MAP7D1: variants seen among roughly 807,000 people sequenced by gnomAD.
MAP7D1 encodes the protein MAP7 domain-containing protein 1.
MAP7D1 carries 30 observed loss-of-function variants against 97.5 expected under a neutral mutation model. That is an observed-to-expected ratio of 0.31 (90% confidence interval 0.23 to 0.42). MAP7D1 has a LOEUF of 0.42. Among genes scored for constraint, MAP7D1 ranks in the 10% least tolerant of loss-of-function variants. The probability of loss-of-function intolerance (pLI) is 1.00; values close to 1 mark genes in which losing one functional copy is unlikely to be tolerated. For synonymous variants in MAP7D1, 536 were observed against 477.1 expected, an observed-to-expected ratio of 1.12 and a Z score of -1.61; for missense variants, 1,184 against 1,179.5, an observed-to-expected ratio of 1.00 and a Z score of -0.06.
At position 36,177,940 on chromosome 1, in the gene MAP7D1, A is replaced by G; in HGVS notation, c.1447A>G (p.Ser483Gly). ...GCACAGGCCTGCCTCCCCCTGCCCC[A>G]GCCCAGGGCCAGGCCACACTCTGCC... is the stretch of plus-strand genomic sequence containing the variant. ...SWHRPASPCP[S>G]PGPGHTLPPK... Residue 483 changes from serine (S) to glycine (G), a missense_variant, in exon 9 of 17, where the codon AGC (serine) becomes GGC (glycine). Coordinates refer to ENST00000474796, the MANE Select transcript of MAP7D1 (RefSeq NM_001388490.1). 6.3e-7 allele frequency: 1 copy of G among 1,581,816 alleles called. No homozygotes were observed. Among genetic ancestry groups the G allele is most frequent in the African/African-American group, 1.3e-5 (1 of 74,300 alleles).
At position 36,178,029 on chromosome 1, in the gene MAP7D1, G is replaced by A. The variant is rs771884720; in HGVS notation, c.1536G>A (p.Glu512=). The change falls in exon 9 of 17, where the codon GAG becomes GAA. Residue 512 remains glutamate, a synonymous_variant. Coordinates refer to ENST00000474796, the MANE Select transcript of MAP7D1 (RefSeq NM_001388490.1). ...CCAAGGGGCGGGTTCGGAGGAAGGA[G>A]GAGGCAAAGGAGAGCCCCAGCGCCG... ...ASPKGRVRRK[E]EAKESPSAAG... is the part of the protein sequence containing the mutation. 156 of 1,613,498 alleles carry A rather than the reference G, an allele frequency of 9.7e-5. No individual in the cohort carries two copies. In the Admixed American group the frequency reaches 2.6e-3, roughly 27 times the overall value.
Position 36,176,365 on chromosome 1 carries a change from A to G in MAP7D1, c.1017A>G (p.Ala339=). ...DPGRGPTWGR[A]GASLARGPQP... is the part of the protein sequence containing the mutation. ...GGAGAGGCCCCACGTGGGGCCGGGC[A>G]GGGGCCAGCCTGGCGCGCGGGCCGC... Residue 339 remains alanine, a synonymous_variant, in exon 7 of 17, where the codon GCA becomes GCG. Transcript: ENST00000474796. The surrounding 1 kb of genome is among the most constrained non-coding windows in gnomAD (Gnocchi z 6.1). 1 of 1,525,558 alleles carries G rather than the reference A, an allele frequency of 6.6e-7. No individual in the cohort carries two copies. Among genetic ancestry groups the G allele is most frequent in the African/African-American group, 1.4e-5 (1 of 71,290 alleles). The allele number at this position is 1,525,558 out of a possible 1,614,324, so 94.5% of individuals were successfully genotyped here. A position where few individuals can be genotyped will look rare whatever the true frequency, so the allele number is the denominator to read the frequency against.
At chr1:36,178,395 G>T in intron 9 of MAP7D1, 24 bp from the exon 10 acceptor site, 1 of 1,601,348 alleles carries the variant, frequency 6.2e-7, no homozygotes. Flanking sequence ...GTGTGCTGAC[G>T]CCTGATCCCG....
In MAP7D1 at chr1:36,179,745, G is replaced by T. The variant is rs1352385020; in HGVS notation, c.2307G>T (p.Glu769Asp). 2 of 1,524,268 alleles carry T rather than the reference G, an allele frequency of 1.3e-6. No homozygotes were observed. The highest frequency in any genetic ancestry group is 1.4e-5 in the African/African-American group (1 of 72,030). 94.4% of individuals were successfully genotyped at this position (1,524,268 alleles called of 1,614,324 possible). A position where few individuals can be genotyped will look rare whatever the true frequency, so the allele number is the denominator to read the frequency against. ...AVQKEEPIPQEPQWSLPSKEL... is the reference protein window; with the variant it reads ...AVQKEEPIPQDPQWSLPSKEL... ...AGAAAGAGGAGCCCATCCCACAGGAGCCTCAGTGGAGGTACCAGCTTCCAA... is the reference window on the plus strand; with the variant it reads ...AGAAAGAGGAGCCCATCCCACAGGATCCTCAGTGGAGGTACCAGCTTCCAA... The change falls in exon 15 of 17, where the codon GAG (glutamate) becomes GAT (aspartate). Residue 769 changes from glutamate to aspartate, a missense_variant. By Grantham distance (45) the Glu-to-Asp change is conservative. Transcript: ENST00000474796.
At position 36,180,080 on chromosome 1, in the gene MAP7D1, A is replaced by G; in HGVS notation, c.2512+13A>G. Reference sequence around the variant, plus strand: ...CCGCAGGTCACAGGTAGATCTCCTGATTCCTGGACCCAGCTCCATTCCTCC... The same window carrying G: ...CCGCAGGTCACAGGTAGATCTCCTGGTTCCTGGACCCAGCTCCATTCCTCC... On this transcript the variant is annotated intron_variant, in intron 16 of 16. Coordinates refer to ENST00000474796, the MANE Select transcript of MAP7D1 (RefSeq NM_001388490.1). The G allele has an allele frequency of 1.2e-6, 2 of 1,612,840 alleles. No homozygotes were observed. Among genetic ancestry groups the G allele is most frequent in the South Asian group, 1.1e-5 (1 of 91,022 alleles).
In MAP7D1 at chr1:36,177,922, C is replaced by T; in HGVS notation, c.1429C>T (p.Pro477Ser). The T allele has an allele frequency of 6.4e-7, 1 of 1,566,092 alleles. No homozygotes were observed. Among genetic ancestry groups the T allele is most frequent in the East Asian group, 2.3e-5 (1 of 44,408 alleles). The change falls in exon 9 of 17, where the codon CCT becomes TCT. Residue 477 changes from proline (P) to serine (S), a missense_variant. Transcript: ENST00000474796. Reference protein sequence around the residue: ...PSSPSTSWHRPASPCPSPGPG... With the variant: ...PSSPSTSWHRSASPCPSPGPG... ...CTCTCCCTCCACATCCTGGCACAGG[C>T]CTGCCTCCCCCTGCCCCAGCCCAGG...
chr1:36,172,923 C>T (rs560778580), intron 4 of MAP7D1, among the ~76,000 whole-genome samples: 7 of 152,200 alleles, frequency 4.6e-5, no homozygotes, highest in East Asian at 3.9e-4. Flanking sequence ...TCTGTGTGAG[C>T]GTGCCTAGCT....
rs1274230516 is a variant in MAP7D1, at chr1:36,156,363, T to TGGCCGC, written c.-54_-49dup. ...GCCGCGGGACCCCTGTCCTGGCCAC[T>TGGCCGC]GGCCGCCGCCGCCGCCGCCGCTGAG... On this transcript the variant is annotated 5_prime_UTR_variant, in exon 1 of 17. Transcript: ENST00000474796. 3.4e-6 allele frequency: 5 copies of TGGCCGC among 1,456,052 alleles called. No homozygotes were observed. The African/African-American group carries it at 7.4e-5, about 22-fold the overall frequency. The allele number at this position is 1,456,052 out of a possible 1,614,324, so 90.2% of individuals were successfully genotyped here. A position where few individuals can be genotyped will look rare whatever the true frequency, so the allele number is the denominator to read the frequency against.
Position 36,180,567 on chromosome 1 carries a change from G to A in MAP7D1, c.*309G>A, listed in dbSNP as rs928880241. The stretch of plus-strand genomic sequence containing the variant: ...CACCTGTAGTATTTGCCTTGATTTG[G>A]TGGGGTACAGTGGATGTGAATACTG... On this transcript the variant is annotated 3_prime_UTR_variant, in exon 17 of 17. Coordinates refer to ENST00000474796, the MANE Select transcript of MAP7D1 (RefSeq NM_001388490.1). 1 of 457,014 alleles carries A rather than the reference G, an allele frequency of 2.2e-6. No homozygotes were observed. The highest frequency in any genetic ancestry group is 3.6e-5 in the Admixed American group (1 of 28,018). The allele number at this position is 457,014 out of a possible 1,614,324, so 28.3% of individuals were successfully genotyped here.
chr1:36,173,784 C>T (rs1209977336), intron 5 of MAP7D1, among the ~76,000 whole-genome samples: 2 of 152,186 alleles, frequency 1.3e-5, no homozygotes, highest in African/African-American at 4.8e-5. Context: ...TAATGACCTA[C>T]AGACACTGGA....
chr1:36,177,320 C>T, intron 8 of MAP7D1: 1 of 292,980 alleles, frequency 3.4e-6, no homozygotes, highest in Non-Finnish European at 6.7e-6. Flanking sequence ...TGAAGTACCC[C>T]AACACCTAAA....
At chr1:36,173,238 A>T in intron 4 of MAP7D1, 126 bp from the exon 5 acceptor site, 4 of 693,972 alleles carry the variant, frequency 5.8e-6, no homozygotes, top group South Asian at 5.4e-5. Context: ...ACCTGCAATG[A>T]GTCAGGAAAA....
intron 1 of MAP7D1, among the ~76,000 whole-genome samples, chr1:36,161,191 C>T (rs116303525): frequency 0.012 from 1,847 of 152,346 alleles, 21 homozygotes; most frequent in Non-Finnish European, 0.015. Flanking sequence ...CCCAGTGCCC[C>T]ACTGCCCAAC....
chr1:36,172,319 C>A, intron 3 of MAP7D1, 145 bp from the exon 4 acceptor site: 1 of 761,204 alleles, frequency 1.3e-6, no homozygotes, highest in Non-Finnish European at 1.9e-6. Context: ...AGGGGGTTGT[C>A]TCAGACTGAA....
At chr1:36,173,760 T>C (rs1442745664) in intron 5 of MAP7D1, among the ~76,000 whole-genome samples, 1 of 152,208 alleles carries the variant, frequency 6.6e-6, no homozygotes, top group Non-Finnish European at 1.5e-5. Flanking sequence ...TAGTTGTTGA[T>C]ACATAAAAGA....
Position 36,171,002 on chromosome 1 carries a change from A to G in MAP7D1, c.78A>G (p.Arg26=). 1.4e-6 allele frequency: 2 copies of G among 1,476,564 alleles called. No homozygotes were observed. Among genetic ancestry groups the G allele is most frequent in the Non-Finnish European group, 1.9e-6 (2 of 1,068,224 alleles). The allele number at this position is 1,476,564 out of a possible 1,614,324, so 91.5% of individuals were successfully genotyped here. A position where few individuals can be genotyped will look rare whatever the true frequency, so the allele number is the denominator to read the frequency against. The change falls in exon 2 of 17, where the codon AGA becomes AGG. Residue 26 remains arginine (R), a synonymous_variant. Transcript: ENST00000474796. The stretch of plus-strand genomic sequence containing the variant: ...TCGCCAGGACCCCCCCAGAGCCAAG[A>G]CCTTCTCCAGAAGGTGACCCTTCCC... The part of the protein sequence containing the change: ...AVVARTPPEP[R]PSPEGDPSPP...
In MAP7D1 at chr1:36,171,308, C is replaced by G; in HGVS notation, c.384C>G (p.Thr128=). Residue 128 remains threonine (T), a synonymous_variant, in exon 2 of 17, where the codon ACC becomes ACG. Coordinates refer to ENST00000474796, the MANE Select transcript of MAP7D1 (RefSeq NM_001388490.1). Reference sequence around the variant, plus strand: ...TGCCAGCCTCCGACAGCCCTCCCACCAAGCAAGGTGTGTGTAATGACCCCG... The same window carrying G: ...TGCCAGCCTCCGACAGCCCTCCCACGAAGCAAGGTGTGTGTAATGACCCCG... ...TAVPASDSPP[T]KQEVKKAGER... The G allele has an allele frequency of 6.4e-7, 1 of 1,562,974 alleles. No individual in the cohort carries two copies. Among genetic ancestry groups the G allele is most frequent in the Non-Finnish European group, 8.7e-7 (1 of 1,153,622 alleles).
In MAP7D1 at chr1:36,156,423, G is replaced by C. The variant is rs975135452; in HGVS notation, c.6G>C (p.Glu2Asp). 6.8e-7 allele frequency: 1 copy of C among 1,481,012 alleles called. No individual in the cohort carries two copies. 91.7% of individuals were successfully genotyped at this position (1,481,012 alleles called of 1,614,324 possible). M[E>D]SGPRAELGAG... The stretch of plus-strand genomic sequence containing the variant: ...CCCCCAGTGACGCCGCAGCCATGGA[G>C]AGCGGCCCGCGTGCGGAGCTGGGGG... The change falls in exon 1 of 17, where the codon GAG becomes GAC. Residue 2 changes from glutamate to aspartate, a missense_variant. By Grantham distance (45) the Glu-to-Asp change is conservative. Transcript: ENST00000474796.
Position 36,178,681 on chromosome 1 carries a change from C to T in MAP7D1, c.1887-4C>T. 1 of 1,530,036 alleles carries T rather than the reference C, an allele frequency of 6.5e-7. No individual in the cohort carries two copies. Among genetic ancestry groups the T allele is most frequent in the African/African-American group, 1.4e-5 (1 of 72,580 alleles). The allele number at this position is 1,530,036 out of a possible 1,614,324, so 94.8% of individuals were successfully genotyped here. A position where few individuals can be genotyped will look rare whatever the true frequency, so the allele number is the denominator to read the frequency against. On this transcript the variant is annotated splice_polypyrimidine_tract_variant and splice_region_variant and intron_variant, in intron 10 of 16. Transcript: ENST00000474796. Reference sequence around the variant, plus strand: ...GAGCCTGAGCCGTTTGCTCCGTCCCCCAGGCGAATGCGAGAGGAGCAGCTG... The same window carrying T: ...GAGCCTGAGCCGTTTGCTCCGTCCCTCAGGCGAATGCGAGAGGAGCAGCTG...
Sources: allele counts gnomAD v4.1 joint callset (sites outside exome capture counted in the v4.1 genomes callset), GRCh38; gene constraint gnomAD v4.1.1; non-coding constraint Gnocchi (gnomAD v3.1); transcripts MANE v1.5; gene names NCBI Gene and HGNC (gene_info 2026-07-23, HGNC 2026-07-21).